The following ARMC9 variants were observed in gnomAD, a reference collection of about 807,000 sequenced individuals.
ARMC9 encodes the protein lisH domain-containing protein ARMC9.
ARMC9 carries 94 observed loss-of-function variants against 107.0 expected under a neutral mutation model. That is an observed-to-expected ratio of 0.88 (90% CI 0.74 to 1.04). ARMC9 has a LOEUF of 1.04. Among genes scored for constraint, ARMC9 ranks in the 50% least tolerant of loss-of-function variants. The probability of loss-of-function intolerance (pLI) is 0.00; values close to 1 mark genes in which losing one functional copy is unlikely to be tolerated. For missense variants in ARMC9, 942 were observed against 1,030.1 expected (o/e 0.91, Z 1.17); for synonymous variants, 380 against 396.9 (o/e 0.96, Z 0.51).
intron 20 of ARMC9, among the ~76,000 whole-genome samples, chr2:231,338,457 C>T (rs1417731983): frequency 6.6e-6 from 1 of 151,508 alleles, no homozygotes; most frequent in East Asian, 1.9e-4. Context: ...GAACTCCTGG[C>T]CTCAAGTGAT....
Position 231,282,058 on chromosome 2 carries a change from G to A in ARMC9, c.1552-1G>A. On this transcript the variant is annotated splice_acceptor_variant, in intron 16 of 24. Coordinates refer to ENST00000611582, the MANE Select transcript of ARMC9 (RefSeq NM_001352754.2). LOFTEE classifies it high-confidence loss of function. ...AACTGGTTTTTTTCCTCCCCTTAAAGATACAGCCGTATGTGAATGGAGCTC... is the reference window on the plus strand; with the variant it reads ...AACTGGTTTTTTTCCTCCCCTTAAAAATACAGCCGTATGTGAATGGAGCTC... The A allele has an allele frequency of 1.2e-6, 2 of 1,614,034 alleles. No individual in the cohort carries two copies. Among genetic ancestry groups the A allele is most frequent in the Non-Finnish European group, 1.7e-6 (2 of 1,179,928 alleles).
chr2:231,248,170 G>C (rs1423885443), intron 9 of ARMC9, among the ~76,000 whole-genome samples: 1 of 152,164 alleles, frequency 6.6e-6, no homozygotes, highest in Non-Finnish European at 1.5e-5. Flanking sequence ...AAGCGTCTGA[G>C]GTTTTTCTCT....
At chr2:231,215,711 A>G (rs564553223) in intron 4 of ARMC9, among the ~76,000 whole-genome samples, 1 of 152,364 alleles carries the variant, frequency 6.6e-6, no homozygotes, top group East Asian at 1.9e-4. Context: ...GACCCCGTGC[A>G]TTAATGACTG....
At position 231,276,767 on chromosome 2, in the gene ARMC9, G is replaced by A. The variant is rs998531981; in HGVS notation, c.1466G>A (p.Arg489His). 47 of 1,613,862 alleles carry A rather than the reference G, an allele frequency of 2.9e-5. No individual in the cohort carries two copies. Among genetic ancestry groups the A allele is most frequent in the Non-Finnish European group, 3.3e-5 (39 of 1,179,992 alleles). The change falls in exon 15 of 25, where the codon CGC becomes CAC. Residue 489 changes from arginine (R) to histidine (H), a missense_variant. Arg to His is a conservative substitution (Grantham distance 29). Coordinates refer to ENST00000611582, the MANE Select transcript of ARMC9 (RefSeq NM_001352754.2). ...SVALLMNLCL[R>H]STGKNMCAKV... Reference sequence around the variant, plus strand: ...GCTTTGCTCATGAACCTCTGCCTCCGCAGCACAGGTCTCAGCCCCGACCCT... The same window carrying A: ...GCTTTGCTCATGAACCTCTGCCTCCACAGCACAGGTCTCAGCCCCGACCCT...
At position 231,235,237 on chromosome 2, in the gene ARMC9, G is replaced by A; in HGVS notation, c.636G>A (p.Gln212=). 6.2e-7 allele frequency: 1 copy of A among 1,611,370 alleles called. No individual in the cohort carries two copies. The highest frequency in any genetic ancestry group is 1.1e-5 in the South Asian group (1 of 90,052). Residue 212 remains glutamine, a synonymous_variant, in exon 8 of 25, where the codon CAG becomes CAA. Coordinates refer to ENST00000611582, the MANE Select transcript of ARMC9 (RefSeq NM_001352754.2). ...NGQSNKEILQ[Q]LHQQLVEAER... is the part of the protein sequence containing the mutation. ...CTGTCTTCCTAGAAATCTTGCAGCA[G>A]CTCCACCAGCAGCTGGTTGAAGCTG...
intron 8 of ARMC9, among the ~76,000 whole-genome samples, chr2:231,235,686 A>G (rs2035644571): frequency 6.6e-6 from 1 of 152,100 alleles, no homozygotes; most frequent in South Asian, 2.1e-4. Context: ...CTTGTTGCCC[A>G]GGTTGGAGTG....
intron 22 of ARMC9, among the ~76,000 whole-genome samples, chr2:231,356,287 G>T (rs989902339): frequency 6.6e-6 from 1 of 152,284 alleles, no homozygotes; most frequent in African/African-American, 2.4e-5. Context: ...GTGCAGAGAA[G>T]GCCAGCCGCC....
intron 16 of ARMC9, among the ~76,000 whole-genome samples, chr2:231,281,440 A>C (rs2040211907): frequency 6.6e-6 from 1 of 152,030 alleles, no homozygotes; most frequent in South Asian, 2.1e-4. Flanking sequence ...GATAGAGGCC[A>C]CCCCTTGAAG....
At position 231,331,819 on chromosome 2, in the gene ARMC9, T is replaced by C; in HGVS notation, c.1800T>C (p.Asp600=). Residue 600 remains aspartate (D), a synonymous_variant, in exon 20 of 25, where the codon GAT becomes GAC. Transcript: ENST00000611582. ...AGGACCATGACATCATGGAAGCCGATCTGGACAAAGACGAACTGATCCAGC... is the reference window on the plus strand; with the variant it reads ...AGGACCATGACATCATGGAAGCCGACCTGGACAAAGACGAACTGATCCAGC... ...DEEDHDIMEA[D]LDKDELIQPQ... is the part of the protein sequence containing the mutation. The C allele has an allele frequency of 6.2e-7, 1 of 1,614,012 alleles. No homozygotes were observed. The highest frequency in any genetic ancestry group is 1.3e-5 in the African/African-American group (1 of 75,042).
rs117757757 is a variant in ARMC9 at position 231,309,519 on chromosome 2, C to T, written c.1773+13266C>T. 2.1e-3 allele frequency among the ~76,000 whole-genome samples: 318 copies of T among 152,120 alleles called. 7 individuals are homozygous for T. In the East Asian group the frequency reaches 0.042, roughly 20 times the overall value. ...ACAATATTTATTTAATAAATAAATACGTTTCTATCCATTTGATCAAATCAC... is the reference window on the plus strand; with the variant it reads ...ACAATATTTATTTAATAAATAAATATGTTTCTATCCATTTGATCAAATCAC... On this transcript the variant is annotated intron_variant, in intron 19 of 24. Coordinates refer to ENST00000611582, the MANE Select transcript of ARMC9 (RefSeq NM_001352754.2).
rs778975833 is a variant in ARMC9 at position 231,208,151 on chromosome 2, G to C, written c.76G>C (p.Asp26His). 6.4e-7 allele frequency: 1 copy of C among 1,553,274 alleles called. No individual in the cohort carries two copies. Among genetic ancestry groups the C allele is most frequent in the African/African-American group, 1.4e-5 (1 of 72,966 alleles). Reference sequence around the variant, plus strand: ...GTATTTAGATTTTGCTGAATTTGAAGACACCTTGAAAACATTTTCAAAAGA... The same window carrying C: ...GTATTTAGATTTTGCTGAATTTGAACACACCTTGAAAACATTTTCAAAAGA... ...KEYLDFAEFE[D>H]TLKTFSKECK... is the part of the protein sequence containing the mutation. The change falls in exon 3 of 25, where the codon GAC (aspartate) becomes CAC (histidine). Residue 26 changes from aspartate (D) to histidine (H), a missense_variant. Coordinates refer to ENST00000611582, the MANE Select transcript of ARMC9 (RefSeq NM_001352754.2).
chr2:231,230,976 C>G (rs1270001754), intron 7 of ARMC9, among the ~76,000 whole-genome samples: 1 of 152,236 alleles, frequency 6.6e-6, no homozygotes, highest in Non-Finnish European at 1.5e-5. Context: ...CTGCTTCTCT[C>G]TTTCCAATAG....
At chr2:231,295,560 T>C (rs2041302591) in intron 18 of ARMC9, 1 of 152,416 alleles carries the variant, frequency 6.6e-6, no homozygotes, top group African/African-American at 2.4e-5. Flanking sequence ...CAACCCCCAT[T>C]CTACAGAGGA....
chr2:231,258,998 A>G lies in ARMC9; in HGVS notation c.922A>G (p.Lys308Glu). 6.2e-7 allele frequency: 1 copy of G among 1,612,904 alleles called. No homozygotes were observed. The highest frequency in any genetic ancestry group is 8.5e-7 in the Non-Finnish European group (1 of 1,178,994). The change falls in exon 11 of 25, where the codon AAG becomes GAG. Residue 308 changes from lysine to glutamate, a missense_variant. Transcript: ENST00000611582. ...ACTTGTGTTGCTGAGTAGGAAATTGAAGGATGTCCCATTACTGCCCTCCTT... is the reference window on the plus strand; with the variant it reads ...ACTTGTGTTGCTGAGTAGGAAATTGGAGGATGTCCCATTACTGCCCTCCTT... ...LRASLAPVKL[K>E]DVPLLPSLDY...
intron 19 of ARMC9, among the ~76,000 whole-genome samples, chr2:231,313,555 G>C (rs2042477390): frequency 6.6e-6 from 1 of 152,006 alleles, no homozygotes; most frequent in Non-Finnish European, 1.5e-5. Flanking sequence ...AATTTATAGA[G>C]TTGTGCTACC....
intron 19 of ARMC9, among the ~76,000 whole-genome samples, chr2:231,326,963 A>G (rs755217469): frequency 1.7e-4 from 26 of 152,076 alleles, no homozygotes; most frequent in Non-Finnish European, 1.3e-4. Context: ...TCACCAGGAG[A>G]TGATGGCCTG....
intron 19 of ARMC9, among the ~76,000 whole-genome samples, chr2:231,325,807 A>G (rs2043281859): frequency 6.6e-6 from 1 of 152,196 alleles, no homozygotes; most frequent in Admixed American, 6.5e-5. Context: ...GATTACCTTT[A>G]AGGAAATTTC....
rs1200366686 is a variant in ARMC9 at position 231,375,418 on chromosome 2, G to A, written c.*3883G>A. ...GAAAGGATGTGGATACAGGGACCCCGAATGAACCAGAGGCAATACTGCTGC... is the reference window on the plus strand; with the variant it reads ...GAAAGGATGTGGATACAGGGACCCCAAATGAACCAGAGGCAATACTGCTGC... On this transcript the variant is annotated 3_prime_UTR_variant, in exon 25 of 25. Transcript: ENST00000611582. The surrounding 1 kb of genome is among the most constrained non-coding windows in gnomAD (Gnocchi z 4.3). Among the ~76,000 whole-genome samples, 1 of 152,194 alleles carries A rather than the reference G, an allele frequency of 6.6e-6. No individual in the cohort carries two copies. Among genetic ancestry groups the A allele is most frequent in the Non-Finnish European group, 1.5e-5 (1 of 68,026 alleles).
At position 231,239,394 on chromosome 2, in the gene ARMC9, T is replaced by C. The variant is rs140086580; in HGVS notation, c.781-549T>C. Reference sequence around the variant, plus strand: ...ACGTTGTCGAGCACTGGATAGTTGATTAAAAGCGTTTCCATCACTCATTCA... The same window carrying C: ...ACGTTGTCGAGCACTGGATAGTTGACTAAAAGCGTTTCCATCACTCATTCA... On this transcript the variant is annotated intron_variant, in intron 8 of 24. Coordinates refer to ENST00000611582, the MANE Select transcript of ARMC9 (RefSeq NM_001352754.2). 4.1e-3 allele frequency among the ~76,000 whole-genome samples: 624 copies of C among 152,262 alleles called. 7 individuals carry two copies. Among genetic ancestry groups the C allele is most frequent in the African/African-American group, 0.013 (557 of 41,564 alleles).
Sources: gnomAD v4.1 joint callset for allele counts (sites outside exome capture counted in the v4.1 genomes callset) on GRCh38, gnomAD v4.1.1 for gene constraint, Gnocchi (gnomAD v3.1) non-coding constraint, MANE v1.5 for transcripts, NCBI Gene and HGNC (gene_info 2026-07-23, HGNC 2026-07-21) for gene names.